APLP2: variants seen among roughly 807,000 people sequenced by gnomAD.
APLP2 encodes the protein amyloid beta precursor like protein 2.
Under a neutral mutation model 89.9 loss-of-function variants are expected in APLP2, and 53 were observed. That is an observed-to-expected ratio of 0.59 (90% CI 0.47 to 0.74). APLP2 has a LOEUF of 0.74. Ranked by LOEUF, APLP2 falls within the 30% of genes least tolerant of loss-of-function variation. The pLI is 0.00. For missense variants in APLP2, 973 were observed against 975.9 expected (o/e 1.00, Z 0.04); for synonymous variants, 372 against 348.6 (o/e 1.07, Z -0.75).
At position 130,133,647 on chromosome 11, in the gene APLP2, G is replaced by C; in HGVS notation, c.1603G>C (p.Val535Leu). The C allele has an allele frequency of 1.2e-6, 2 of 1,614,050 alleles. No individual in the cohort carries two copies. Among genetic ancestry groups the C allele is most frequent in the Non-Finnish European group, 1.7e-6 (2 of 1,179,908 alleles). ...CTTCCAGGTGATGACACATCTCCACGTGATTGAAGAAAGGAGGAACCAAAG... is the reference window on the plus strand; with the variant it reads ...CTTCCAGGTGATGACACATCTCCACCTGATTGAAGAAAGGAGGAACCAAAG... ...MKSQVMTHLH[V>L]IEERRNQSLS... is the part of the protein sequence containing the mutation. The change falls in exon 12 of 17, where the codon GTG becomes CTG. Residue 535 changes from valine (V) to leucine (L), a missense_variant. Physicochemically the swap from Val to Leu is conservative, Grantham distance 32. Coordinates refer to ENST00000338167, the MANE Select transcript of APLP2 (RefSeq NM_001142276.2).
chr11:130,139,559 T>A (rs1477802499), intron 13 of APLP2: 1 of 152,262 alleles, frequency 6.6e-6, no homozygotes, highest in Non-Finnish European at 1.5e-5. Flanking sequence ...TCACGTTCCC[T>A]CCCTGGGCCT....
chr11:130,075,861 A>C (rs936781892), intron 1 of APLP2, among the ~76,000 whole-genome samples: 7 of 152,184 alleles, frequency 4.6e-5, no homozygotes, highest in African/African-American at 1.7e-4. Flanking sequence ...TGTCTTTCCC[A>C]TTACCAAAAC....
At position 130,098,555 on chromosome 11, in the gene APLP2, C is replaced by T. The variant is rs935184708; in HGVS notation, c.106-10874C>T. On this transcript the variant is annotated intron_variant, in intron 1 of 16. Coordinates refer to ENST00000338167, the MANE Select transcript of APLP2 (RefSeq NM_001142276.2). ...GGTTTTAACCTCTTGAAGTCAGTTA[C>T]AGCATTTCAGCCAAAGCTGGCATGT... 5.3e-5 allele frequency among the ~76,000 whole-genome samples: 8 copies of T among 152,294 alleles called. No individual in the cohort carries two copies. The South Asian group carries it at 8.3e-4, about 16-fold the overall frequency.
intron 12 of APLP2, among the ~76,000 whole-genome samples, chr11:130,134,906 C>A (rs1951387794): frequency 6.6e-6 from 1 of 152,118 alleles, no homozygotes; most frequent in South Asian, 2.1e-4. Context: ...AAATCCGGAG[C>A]TCTCTTGATA....
chr11:130,138,276 G>T (rs886574858), intron 13 of APLP2, among the ~76,000 whole-genome samples: 2 of 152,216 alleles, frequency 1.3e-5, no homozygotes, highest in African/African-American at 4.8e-5. Flanking sequence ...GTTATTCTCA[G>T]AACACAAAAG....
chr11:130,111,168 G>A (rs1009298034), intron 3 of APLP2, among the ~76,000 whole-genome samples: 1 of 152,134 alleles, frequency 6.6e-6, no homozygotes, highest in African/African-American at 2.4e-5. Flanking sequence ...GTTTGGGGCT[G>A]GTAGGGGTGT....
At chr11:130,082,436 G>A (rs146201460) in intron 1 of APLP2, 3,773 of 152,574 alleles carry the variant, frequency 0.025, 142 homozygotes, top group African/African-American at 0.085. Context: ...CACCCGCCTC[G>A]GCCTCCCAAA....
chr11:130,094,648 G>A (rs1334528645), intron 1 of APLP2, among the ~76,000 whole-genome samples: 6 of 152,176 alleles, frequency 3.9e-5, no homozygotes, highest in Non-Finnish European at 7.3e-5. Flanking sequence ...TTATTGACAA[G>A]ACGTGTACAT....
chr11:130,107,225 A>C (rs78373595), intron 1 of APLP2, among the ~76,000 whole-genome samples: 2,513 of 152,318 alleles, frequency 0.016, 72 homozygotes, highest in African/African-American at 0.059. Flanking sequence ...GAATTTTAGT[A>C]ATTCTCCACT....
chr11:130,140,285 G>A (rs1952192548), intron 13 of APLP2, 113 bp from the exon 14 acceptor site: 1 of 669,330 alleles, frequency 1.5e-6, no homozygotes, highest in Non-Finnish European at 2.5e-6. Context: ...AGTCGCGTGG[G>A]GAGGTGCGTG....
At chr11:130,088,456 C>T (rs188924527) in intron 1 of APLP2, among the ~76,000 whole-genome samples, 9 of 151,972 alleles carry the variant, frequency 5.9e-5, no homozygotes, top group Admixed American at 3.3e-4. Flanking sequence ...ATTAGCAATG[C>T]GAATCATCTA....
chr11:130,093,384 G>A (rs1469583727), intron 1 of APLP2, among the ~76,000 whole-genome samples: 1 of 152,174 alleles, frequency 6.6e-6, no homozygotes, highest in East Asian at 1.9e-4. Context: ...TACCTCAAAG[G>A]AGAGAAGAGG....
intron 1 of APLP2, among the ~76,000 whole-genome samples, chr11:130,087,639 C>A (rs1281545933): frequency 1.3e-5 from 2 of 152,142 alleles, no homozygotes; most frequent in Non-Finnish European, 2.9e-5. Flanking sequence ...ATATTTAACA[C>A]CATGGCAGGT....
intron 1 of APLP2, among the ~76,000 whole-genome samples, chr11:130,077,653 AT>A (rs1464265276): frequency 3.9e-5 from 6 of 152,064 alleles, no homozygotes; most frequent in Non-Finnish European, 8.8e-5. Flanking sequence ...GAAATATAAC[AT>A]TACCAATAAA....
At chr11:130,130,224 T>C (rs1050919006) in intron 11 of APLP2, 58 bp downstream of exon 11, 2 of 1,609,482 alleles carry the variant, frequency 1.2e-6, no homozygotes, top group Non-Finnish European at 1.7e-6. Flanking sequence ...GGGAACATAA[T>C]GCCTTGACTA....
chr11:130,093,109 C>A (rs532638520), intron 1 of APLP2, among the ~76,000 whole-genome samples: 2 of 152,280 alleles, frequency 1.3e-5, no homozygotes, highest in South Asian at 4.1e-4. Context: ...AGGGACTGAG[C>A]AGTGAAAGTC....
rs1254512120 is a variant in APLP2 at position 130,120,897 on chromosome 11, T to TTAAGTTAGTTAGTTTTTAAGTTAGTTAA, written c.516+79_516+80insTAAGTTAGTTAGTTTTTAAGTTAGTTAA. ...TAGCACTTTTCTCCAAATCTCACCA[T>TTAAGTTAGTTAGTTTTTAAGTTAGTTAA]GCTTTTAAGTTAGTTATGTTTCCCC... On this transcript the variant is annotated intron_variant, in intron 4 of 16. Transcript: ENST00000338167. 1.0e-5 allele frequency: 10 copies of TTAAGTTAGTTAGTTTTTAAGTTAGTTAA among 962,544 alleles called. No homozygotes were observed. The African/African-American group carries it at 1.6e-4, about 15-fold the overall frequency. 59.6% of individuals were successfully genotyped at this position (962,544 alleles called of 1,614,324 possible).
At chr11:130,088,197 G>A (rs1207887661) in intron 1 of APLP2, among the ~76,000 whole-genome samples, 1 of 152,138 alleles carries the variant, frequency 6.6e-6, no homozygotes, top group African/African-American at 2.4e-5. Flanking sequence ...ACTTGGTCTG[G>A]GTGATATCTG....
intron 2 of APLP2, 139 bp from the exon 3 acceptor site, chr11:130,110,399 C>T: frequency 2.0e-6 from 2 of 1,022,462 alleles, no homozygotes; most frequent in Non-Finnish European, 1.4e-6. Flanking sequence ...TCAGTTAGAG[C>T]CAGGGATAAT....
Sources: gnomAD v4.1 joint callset for allele counts (sites outside exome capture counted in the v4.1 genomes callset) on GRCh38, gnomAD v4.1.1 for gene constraint, MANE v1.5 for transcripts, NCBI Gene and HGNC (gene_info 2026-07-23, HGNC 2026-07-21) for gene names.